The following OPN5 variants were observed in gnomAD, a reference collection of about 807,000 sequenced individuals.
OPN5 encodes opsin 5.
Under a neutral mutation model 41.7 loss-of-function variants are expected in OPN5, and 18 were observed. The observed-to-expected ratio is 0.43, with a 90% CI of 0.30 to 0.64. OPN5 has a LOEUF of 0.64. OPN5 is among the 30% of genes least tolerant of loss of function. OPN5 has a pLI of 0.13. For synonymous variants in OPN5, 178 were observed against 164.3 expected (o/e 1.08, Z -0.64); for missense variants, 318 against 434.5 (o/e 0.73, Z 2.38).
At chr6:47,782,898 C>T (rs1048566019) in intron 1 of OPN5, among the ~76,000 whole-genome samples, 29 of 152,060 alleles carry the variant, frequency 1.9e-4, no homozygotes, top group African/African-American at 6.8e-4. Flanking sequence ...TAAATACTCA[C>T]CAGATACTGA....
intron 2 of OPN5, among the ~76,000 whole-genome samples, 196 bp downstream of exon 2, chr6:47,786,830 T>G (rs1581725809): frequency 6.6e-6 from 1 of 152,228 alleles, no homozygotes; most frequent in African/African-American, 2.4e-5. Flanking sequence ...TCATTTAATA[T>G]TTATTGAGTC....
At chr6:47,807,478 G>T (rs961713044) in intron 4 of OPN5, among the ~76,000 whole-genome samples, 1 of 152,154 alleles carries the variant, frequency 6.6e-6, no homozygotes, top group African/African-American at 2.4e-5. Flanking sequence ...AAACCCTATC[G>T]CTAATTATTC....
rs570851094 is a variant in OPN5 at position 47,800,642 on chromosome 6, A to G, written c.756+5079A>G. Among the ~76,000 whole-genome samples the G allele has an allele frequency of 2.0e-5, 3 of 152,274 alleles. No individual in the cohort carries two copies. In the East Asian group the frequency reaches 5.8e-4, roughly 29 times the overall value. On this transcript the variant is annotated intron_variant, in intron 4 of 6. Transcript: ENST00000371211. The stretch of plus-strand genomic sequence containing the variant: ...CATTCCCCCAGTTTGACAGCTTCCC[A>G]TTAGCTTTTCAAAAGTGCTTGAATT...
At chr6:47,795,909 T>TAAGAATA (rs1309030989) in intron 4 of OPN5, among the ~76,000 whole-genome samples, 1 of 152,184 alleles carries the variant, frequency 6.6e-6, no homozygotes, top group Non-Finnish European at 1.5e-5. Flanking sequence ...ATTTCAGTAA[T>TAAGAATA]AAGAATAACT....
intron 2 of OPN5, among the ~76,000 whole-genome samples, chr6:47,789,218 GTTTA>G (rs1289329284): frequency 6.6e-6 from 1 of 152,090 alleles, no homozygotes; most frequent in Non-Finnish European, 1.5e-5. Flanking sequence ...CCCTCCAGAA[GTTTA>G]TTTGACTTCT....
chr6:47,786,430 C>T, intron 1 of OPN5, 85 bp from the exon 2 acceptor site: 2 of 1,075,228 alleles, frequency 1.9e-6, no homozygotes, highest in Non-Finnish European at 2.8e-6. Context: ...CTATGGTGTC[C>T]ATTTTTGAAG....
At chr6:47,808,652 T>C (rs750934142) in intron 5 of OPN5, among the ~76,000 whole-genome samples, 5 of 152,184 alleles carry the variant, frequency 3.3e-5, no homozygotes, top group Non-Finnish European at 7.3e-5. Context: ...ATGTGTCCAT[T>C]TGAGCAACAA....
At chr6:47,818,409 A>T (rs570507446) in intron 6 of OPN5, among the ~76,000 whole-genome samples, 1 of 152,310 alleles carries the variant, frequency 6.6e-6, no homozygotes, top group South Asian at 2.1e-4. Flanking sequence ...GCAGCAAGTT[A>T]CTCACGACAT....
chr6:47,818,642 T>C (rs1011249228), intron 6 of OPN5, among the ~76,000 whole-genome samples: 1 of 151,974 alleles, frequency 6.6e-6, no homozygotes, highest in African/African-American at 2.4e-5. Flanking sequence ...TCCACAGAGA[T>C]GATATCTCTT....
chr6:47,816,216 G>T (rs2114003352), intron 6 of OPN5, among the ~76,000 whole-genome samples: 1 of 152,250 alleles, frequency 6.6e-6, no homozygotes, highest in South Asian at 2.1e-4. Flanking sequence ...GGGAGGATGT[G>T]TTTTTAGTTC....
exon 2 of OPN5, chr6:47,786,554 T>G: frequency 6.2e-7 from 1 of 1,607,306 alleles, no homozygotes; most frequent in Non-Finnish European, 8.5e-7. Flanking sequence ...GTCCTTTACA[T>G]GTCTTCTAGA....
chr6:47,787,064 A>G, intron 2 of OPN5: 6 of 987,344 alleles, frequency 6.1e-6, no homozygotes, highest in Non-Finnish European at 6.0e-6. Context: ...TGACAGTTGA[A>G]GACAGTTGAA....
At chr6:47,824,013 G>A in exon 7 of OPN5, 1 of 1,547,022 alleles carries the variant, frequency 6.5e-7, no homozygotes. Flanking sequence ...GTTGTGAAGA[G>A]TGCATCTGAA....
chr6:47,793,620 C>T (rs1773454371), intron 3 of OPN5: 1 of 153,010 alleles, frequency 6.5e-6, no homozygotes, highest in African/African-American at 2.4e-5. Flanking sequence ...TTGGTCTGCT[C>T]TCATTGTTAC....
intron 6 of OPN5, 127 bp downstream of exon 6, chr6:47,811,858 T>C: frequency 1.8e-6 from 1 of 554,946 alleles, no homozygotes; most frequent in Non-Finnish European, 3.1e-6. Context: ...TGTACAGTTT[T>C]CCTCAAGCCA....
At chr6:47,819,617 C>A (rs1029081571) in intron 6 of OPN5, among the ~76,000 whole-genome samples, 3 of 151,594 alleles carry the variant, frequency 2.0e-5, no homozygotes, top group African/African-American at 7.3e-5. Context: ...GCGTGTTTCC[C>A]ATTATAGTGT....
intron 6 of OPN5, among the ~76,000 whole-genome samples, chr6:47,813,335 G>A (rs750861547): frequency 4.6e-5 from 7 of 152,140 alleles, no homozygotes; most frequent in Non-Finnish European, 1.0e-4. Context: ...GAAACATGAG[G>A]ATAATAACAA....
rs80242648 is a variant in OPN5 at position 47,784,863 on chromosome 6, C to T, written c.131-1652C>T. On this transcript the variant is annotated intron_variant, in intron 1 of 6. Transcript: ENST00000371211. ...TAGGATTTGATAATCTAAAAGTGTC[C>T]CCACTTTGGTCTTTATCTTCTTAAT... Among the ~76,000 whole-genome samples, 1,266 of 151,784 alleles carry T rather than the reference C, an allele frequency of 8.3e-3. 31 individuals are homozygous for T. Among genetic ancestry groups the T allele is most frequent in the African/African-American group, 0.029 (1,197 of 41,340 alleles).
chr6:47,796,078 G>T (rs368988804), intron 4 of OPN5, among the ~76,000 whole-genome samples: 5 of 152,268 alleles, frequency 3.3e-5, no homozygotes, highest in African/African-American at 1.2e-4. Flanking sequence ...AGTTTCTGCA[G>T]GCTTGAGTAC....
Sources: allele counts gnomAD v4.1 joint callset (sites outside exome capture counted in the v4.1 genomes callset), GRCh38; gene constraint gnomAD v4.1.1; transcripts MANE v1.5; gene names NCBI Gene and HGNC (gene_info 2026-07-23, HGNC 2026-07-21).